The following SMARCA2 variants were observed in gnomAD, a reference collection of about 807,000 sequenced individuals.
SMARCA2 encodes the protein SWI/SNF-related matrix-associated actin-dependent regulator of chromatin subfamily A member 2.
SMARCA2 carries 61 observed loss-of-function variants against 199.8 expected under a neutral mutation model. The observed-to-expected ratio is 0.31, with a 90% confidence interval of 0.25 to 0.38. The LOEUF (loss-of-function observed/expected upper bound fraction) is 0.38. Among genes scored for constraint, SMARCA2 ranks in the 10% least tolerant of loss-of-function variants. The pLI, the probability that SMARCA2 is intolerant of heterozygous loss-of-function variation, is 1.00. For missense variants in SMARCA2, 1,344 were observed against 2,012.2 expected (o/e 0.67, Z 6.35); for synonymous variants, 935 against 732.0 (o/e 1.28, Z -4.48).
At chr9:2,125,669 T>C (rs1364779067) in intron 27 of SMARCA2, among the ~76,000 whole-genome samples, 1 of 152,064 alleles carries the variant, frequency 6.6e-6, no homozygotes, top group Non-Finnish European at 1.5e-5. Context: ...TTTATATTTT[T>C]AGTAGAGACG....
intron 24 of SMARCA2, among the ~76,000 whole-genome samples, chr9:2,114,217 C>T (rs1823124743): frequency 6.6e-6 from 1 of 152,176 alleles, no homozygotes; most frequent in Non-Finnish European, 1.5e-5. Context: ...GAATGATCCA[C>T]CTTACATTCT....
chr9:2,123,570 G>A lies in SMARCA2; in HGVS notation c.3763-149G>A. ...ATGGAATCTCTCCCTAGATATTTAG[G>A]GATGAGCTAGAACAAGCCAACCAGG... On this transcript the variant is annotated intron_variant, in intron 26 of 33. Transcript: ENST00000349721. The surrounding 1 kb of genome is among the most constrained non-coding windows in gnomAD (Gnocchi z 4.1). 1 of 697,750 alleles carries A rather than the reference G, an allele frequency of 1.4e-6. No individual in the cohort carries two copies. Among genetic ancestry groups the A allele is most frequent in the East Asian group, 2.7e-5 (1 of 36,992 alleles). 43.2% of individuals were successfully genotyped at this position (697,750 alleles called of 1,614,324 possible). A position where few individuals can be genotyped will look rare whatever the true frequency, so the allele number is the denominator to read the frequency against.
chr9:2,191,349 C>A lies in SMARCA2; in HGVS notation c.4678C>A (p.Arg1560=), dbSNP rs747368303. The A allele has an allele frequency of 5.6e-6, 9 of 1,614,140 alleles. No individual in the cohort carries two copies. Among genetic ancestry groups the A allele is most frequent in the Non-Finnish European group, 6.8e-6 (8 of 1,180,004 alleles). ...AGGGAAAGGCAAGAAAAGGCCAAAT[C>A]GAGGAAAAGCCAAACCTGTAGTGAG... The part of the protein sequence containing the change: ...DKGKGKKRPN[R]GKAKPVVSDF... Residue 1560 remains arginine, a synonymous_variant, in exon 33 of 34, where the codon CGA becomes AGA. Coordinates refer to ENST00000349721, the MANE Select transcript of SMARCA2 (RefSeq NM_003070.5).
intron 19 of SMARCA2, among the ~76,000 whole-genome samples, chr9:2,095,109 A>G (rs1586699369): frequency 6.7e-6 from 1 of 150,280 alleles, no homozygotes; most frequent in East Asian, 1.9e-4. Flanking sequence ...TTTTTGAGAC[A>G]GAGTCTTGCT....
chr9:2,192,226 C>G (rs2130016234), intron 33 of SMARCA2: 1 of 176,772 alleles, frequency 5.7e-6, no homozygotes, highest in Middle Eastern at 2.4e-3. Flanking sequence ...TATTTTCTTT[C>G]TGGAAAGATA....
intron 29 of SMARCA2, among the ~76,000 whole-genome samples, chr9:2,175,878 G>GTTTGTT (rs771616627): frequency 3.3e-5 from 5 of 151,136 alleles, no homozygotes; most frequent in Admixed American, 6.6e-5. Flanking sequence ...GGTTTTTTTT[G>GTTTGTT]TTTGTTTGTT....
At chr9:2,164,798 A>C (rs1003060981) in intron 28 of SMARCA2, among the ~76,000 whole-genome samples, 1 of 152,116 alleles carries the variant, frequency 6.6e-6, no homozygotes, top group African/African-American at 2.4e-5. Flanking sequence ...TTATTTGCTT[A>C]CTTACTTTTC....
chr9:2,046,555 A>G (rs1195318136), intron 4 of SMARCA2, among the ~76,000 whole-genome samples: 1 of 152,226 alleles, frequency 6.6e-6, no homozygotes, highest in African/African-American at 2.4e-5. Context: ...TATGCTTTAT[A>G]GGCCTTAAAA....
chr9:2,093,063 G>A (rs1293167858), intron 19 of SMARCA2, among the ~76,000 whole-genome samples: 1 of 152,174 alleles, frequency 6.6e-6, no homozygotes, highest in Non-Finnish European at 1.5e-5. Context: ...CTGCACTCAG[G>A]CCAGGTGGGA....
At chr9:2,061,011 G>A (rs576935270) in intron 9 of SMARCA2, 25 bp downstream of exon 9, 2 of 1,608,880 alleles carry the variant, frequency 1.2e-6, no homozygotes, top group East Asian at 4.5e-5. Context: ...GGTGGTGGCT[G>A]AGTCCAGGGT....
At chr9:2,028,938 T>G in intron 1 of SMARCA2, 49 bp from the exon 2 acceptor site, 1 of 1,428,492 alleles carries the variant, frequency 7.0e-7, no homozygotes, top group Non-Finnish European at 9.5e-7. Flanking sequence ...ATTCTGGTCT[T>G]AACATCATGT....
At chr9:2,103,659 TGTGAGA>T (rs1201279412) in intron 22 of SMARCA2, among the ~76,000 whole-genome samples, 3,012 of 143,742 alleles carry the variant, frequency 0.021, 93 homozygotes, top group African/African-American at 0.083. Flanking sequence ...TGTGTGTGTG[TGTGAGA>T]GAGAGAGAGA....
chr9:2,127,735 AGCCATCCC>A (rs1823759464), intron 27 of SMARCA2, among the ~76,000 whole-genome samples: 1 of 152,250 alleles, frequency 6.6e-6, no homozygotes, highest in Non-Finnish European at 1.5e-5. Context: ...GTGAATATTT[AGCCATCCC>A]TGCCTCAGCA....
At chr9:2,142,076 C>A (rs528678324) in intron 27 of SMARCA2, among the ~76,000 whole-genome samples, 4 of 152,294 alleles carry the variant, frequency 2.6e-5, no homozygotes, top group African/African-American at 9.6e-5. Context: ...AGGTTAGTTT[C>A]CCTCTCCTTG....
intron 12 of SMARCA2, chr9:2,075,508 G>C (rs1449100524): frequency 2.0e-5 from 3 of 152,216 alleles, no homozygotes; most frequent in African/African-American, 7.2e-5. Flanking sequence ...AAGTTATTGA[G>C]AGTTTTTAAT....
intron 12 of SMARCA2, among the ~76,000 whole-genome samples, chr9:2,074,251 A>G (rs1821221848): frequency 6.9e-6 from 1 of 145,546 alleles, no homozygotes; most frequent in African/African-American, 2.5e-5. Flanking sequence ...TTGAGAAATA[A>G]TAAAATATTT....
intron 27 of SMARCA2, among the ~76,000 whole-genome samples, chr9:2,134,485 G>T (rs974800270): frequency 2.0e-4 from 30 of 152,152 alleles, no homozygotes; most frequent in Middle Eastern, 6.8e-3. Flanking sequence ...CTACCTAGCC[G>T]CCTGCCAACC....
In SMARCA2 at chr9:2,185,810, A is replaced by G. The variant is rs535897441; in HGVS notation, c.4462-286A>G. Among the ~76,000 whole-genome samples the G allele has an allele frequency of 4.6e-5, 7 of 152,328 alleles. 1 individual carries two copies. The highest frequency in any genetic ancestry group is 1.7e-4 in the African/African-American group (7 of 41,578). On this transcript the variant is annotated intron_variant, in intron 31 of 33. Coordinates refer to ENST00000349721, the MANE Select transcript of SMARCA2 (RefSeq NM_003070.5). ...TTCAAATAAGAAATGTAGTTTTAAAAAATACCATTTTTGTTGTCCAATATG... is the reference window on the plus strand; with the variant it reads ...TTCAAATAAGAAATGTAGTTTTAAAGAATACCATTTTTGTTGTCCAATATG...
At chr9:2,087,397 T>C (rs1160934537) in intron 18 of SMARCA2, 1 of 254,014 alleles carries the variant, frequency 3.9e-6, no homozygotes, top group Non-Finnish European at 7.6e-6. Context: ...TTTGCTGAAG[T>C]AATTTAACCA....
Sources: gnomAD v4.1 joint callset for allele counts (sites outside exome capture counted in the v4.1 genomes callset) on GRCh38, gnomAD v4.1.1 for gene constraint, Gnocchi (gnomAD v3.1) non-coding constraint, MANE v1.5 for transcripts, NCBI Gene and HGNC (gene_info 2026-07-23, HGNC 2026-07-21) for gene names.